Variants in ARHGEF10 observed in about 807,000 individuals in gnomAD.
ARHGEF10 encodes the protein Rho guanine nucleotide exchange factor (GEF) 10.
A neutral mutation model predicts 147.4 loss-of-function variants in ARHGEF10; 140 were observed. The observed-to-expected ratio is 0.95, with a 90% CI of 0.83 to 1.09. The LOEUF is 1.09. Among genes scored for constraint, ARHGEF10 ranks in the 50% least tolerant of loss-of-function variants. ARHGEF10 has a pLI of 0.00. For synonymous variants in ARHGEF10, 902 were observed against 695.8 expected, an observed-to-expected ratio of 1.30 and a Z score of -4.67; for missense variants, 2,222 against 1,752.7, an observed-to-expected ratio of 1.27 and a Z score of -4.78.
At position 1,923,044 on chromosome 8, in the gene ARHGEF10, A is replaced by C. The variant is rs1484480759; in HGVS notation, c.2224A>C (p.Thr742Pro). 4.3e-6 allele frequency: 7 copies of C among 1,613,322 alleles called. No homozygotes were observed. The East Asian group carries it at 1.6e-4, about 36-fold the overall frequency. The change falls in exon 19 of 29, where the codon ACT (threonine) becomes CCT (proline). Residue 742 changes from threonine to proline, a missense_variant. Thr to Pro is a conservative substitution (Grantham distance 38). Coordinates refer to ENST00000349830, the MANE Select transcript of ARHGEF10 (RefSeq NM_014629.4). The part of the protein sequence containing the change: ...LHDLNVIGQI[T>P]QLIGNLKGNY... ...TGACTTAAATGTAATTGGCCAAATC[A>C]CTCAGCTGATAGGAAACCTTAAAGG...
At chr8:1,916,265 A>C (rs1007139084) in intron 18 of ARHGEF10, among the ~76,000 whole-genome samples, 4 of 152,188 alleles carry the variant, frequency 2.6e-5, no homozygotes, top group African/African-American at 9.7e-5. Flanking sequence ...ACGGGGTCCT[A>C]TCTCTGTGGG....
At chr8:1,850,253 C>T (rs1254666920) in intron 2 of ARHGEF10, among the ~76,000 whole-genome samples, 1 of 119,012 alleles carries the variant, frequency 8.4e-6, no homozygotes, top group Non-Finnish European at 1.9e-5. Flanking sequence ...CGCGTGGACA[C>T]AGACGGCAAA....
rs1815659495 is a variant in ARHGEF10 at position 1,957,247 on chromosome 8, C to G, written c.4019C>G (p.Pro1340Arg). ...LAPTVMVWQI[P>R]LLNI ...CCGACCGTCATGGTCTGGCAGATCC[C>G]TCTGCTGAATATATAAGCAGGACGG... is the stretch of plus-strand genomic sequence containing the variant. Residue 1340 changes from proline to arginine, a missense_variant, in exon 29 of 29, where the codon CCT (proline) becomes CGT (arginine). Physicochemically the swap from Pro to Arg is moderately radical, Grantham distance 103. Transcript: ENST00000349830. 6.2e-7 allele frequency: 1 copy of G among 1,610,834 alleles called. No individual in the cohort carries two copies.
rs1216125206 is a variant in ARHGEF10, at chr8:1,859,896, G to A, written c.194-1G>A. 1.2e-6 allele frequency: 2 copies of A among 1,614,072 alleles called. No individual in the cohort carries two copies. Among genetic ancestry groups the A allele is most frequent in the East Asian group, 2.2e-5 (1 of 44,874 alleles). On this transcript the variant is annotated splice_acceptor_variant, in intron 3 of 28. Coordinates refer to ENST00000349830, the MANE Select transcript of ARHGEF10 (RefSeq NM_014629.4). LOFTEE classifies it high-confidence loss of function. ...CTGACAAGTCCTTTCTGCATCCCCA[G>A]GAGGTGAGGATGGAGCTGGAGCAGA...
intron 18 of ARHGEF10, among the ~76,000 whole-genome samples, chr8:1,920,869 C>T (rs1024961527): frequency 8.5e-5 from 9 of 106,478 alleles, no homozygotes; most frequent in Non-Finnish European, 1.5e-4. Context: ...ACCATGACCT[C>T]CTCCGCCTTC....
chr8:1,852,803 C>G (rs1805247199), intron 2 of ARHGEF10, among the ~76,000 whole-genome samples: 1 of 152,236 alleles, frequency 6.6e-6, no homozygotes, highest in Non-Finnish European at 1.5e-5. Context: ...GTCAGTGCCA[C>G]CAAGGCAGCC....
intron 26 of ARHGEF10, 28 bp downstream of exon 26, chr8:1,933,970 T>C: frequency 6.2e-7 from 1 of 1,614,062 alleles, no homozygotes; most frequent in Non-Finnish European, 8.5e-7. Context: ...CTACACGGTG[T>C]GGAAAAAATG....
At chr8:1,823,380 C>A (rs1194619685), upstream of ARHGEF10, among the ~76,000 whole-genome samples, 1 of 69,754 alleles carries the variant, frequency 1.4e-5, no homozygotes, top group Non-Finnish European at 2.9e-5. Context: ...AAGGGCGGGT[C>A]GGGTGGGGTC....
chr8:1,909,535 T>G (rs4876274), intron 18 of ARHGEF10, 65 bp downstream of exon 18: 2 of 1,598,106 alleles, frequency 1.3e-6, no homozygotes, highest in Non-Finnish European at 1.7e-6. Context: ...TCATGCTAGC[T>G]GTGGGGCCAG....
intron 15 of ARHGEF10, among the ~76,000 whole-genome samples, chr8:1,900,575 C>T (rs117117655): frequency 9.0e-4 from 137 of 152,278 alleles, no homozygotes; most frequent in Non-Finnish European, 1.4e-3. Context: ...CGTGCGCTGT[C>T]GGACGGGCAT....
intron 21 of ARHGEF10, among the ~76,000 whole-genome samples, chr8:1,924,692 A>C (rs1317446840): frequency 6.6e-6 from 1 of 152,102 alleles, no homozygotes; most frequent in Non-Finnish European, 1.5e-5. Flanking sequence ...TAATTTGGTC[A>C]TTTTTCAGGT....
chr8:1,851,909 G>T (rs540396074), intron 2 of ARHGEF10, among the ~76,000 whole-genome samples: 1 of 119,916 alleles, frequency 8.3e-6, no homozygotes, highest in Non-Finnish European at 2.0e-5. Flanking sequence ...GCATGACTCT[G>T]TCTCAAAAAA....
chr8:1,906,933 C>G (rs1344954225), intron 17 of ARHGEF10, among the ~76,000 whole-genome samples: 1 of 152,198 alleles, frequency 6.6e-6, no homozygotes, highest in Admixed American at 6.5e-5. Context: ...GACACTCCTT[C>G]TTGTAAGAGA....
intron 2 of ARHGEF10, among the ~76,000 whole-genome samples, chr8:1,854,299 C>T (rs965101304): frequency 1.3e-5 from 2 of 152,122 alleles, no homozygotes; most frequent in South Asian, 4.1e-4. Flanking sequence ...AGCAGCCCAG[C>T]TCCAGGCGGC....
chr8:1,894,412 C>A lies in ARHGEF10; in HGVS notation c.1280C>A (p.Ser427Tyr). 6.2e-7 allele frequency: 1 copy of A among 1,614,162 alleles called. No individual in the cohort carries two copies. The highest frequency in any genetic ancestry group is 8.5e-7 in the Non-Finnish European group (1 of 1,180,034). The change falls in exon 13 of 29, where the codon TCT (serine) becomes TAT (tyrosine). Residue 427 changes from serine (S) to tyrosine (Y), a missense_variant. Physicochemically the swap from Ser to Tyr is moderately radical, Grantham distance 144. Transcript: ENST00000349830. ...TCTTAGCAATATGAGAAGCCGCTGT[C>A]TGAGATGGAGCCAAAGGTTCTGAGT... is the stretch of plus-strand genomic sequence containing the variant. ...RILEQYEKPL[S>Y]EMEPKVLSER... is the part of the protein sequence containing the mutation.
chr8:1,948,924 C>T lies in ARHGEF10; in HGVS notation c.3397+3269C>T, dbSNP rs1303651511. ...TCCTCCTTATCGTCCAAGATGGTTC[C>T]TGGAGGCCCACACATGTCCTCTGTG... On this transcript the variant is annotated intron_variant, in intron 27 of 28. Transcript: ENST00000349830. This position sits in a 1 kb window ranked among gnomAD's most constrained non-coding sequence, Gnocchi z 4.9. Among the ~76,000 whole-genome samples the T allele has an allele frequency of 1.3e-5, 2 of 152,118 alleles. No individual in the cohort carries two copies.
intron 7 of ARHGEF10, chr8:1,869,607 C>A: frequency 5.3e-6 from 2 of 376,168 alleles, no homozygotes; most frequent in Non-Finnish European, 1.0e-5. Context: ...AGGTAATAGT[C>A]AAAGAAATAA....
At chr8:1,869,574 A>T (rs1806917203) in intron 7 of ARHGEF10, 5 of 459,134 alleles carry the variant, frequency 1.1e-5, no homozygotes, top group Non-Finnish European at 4.0e-6. Context: ...GACATCAGTG[A>T]GAAAGTAGAG....
chr8:1,908,993 A>G (rs959726442), intron 17 of ARHGEF10, among the ~76,000 whole-genome samples: 4 of 152,248 alleles, frequency 2.6e-5, no homozygotes, highest in African/African-American at 9.6e-5. Flanking sequence ...ACCTTTGCTC[A>G]GAGTCATCAG....
Sources: allele counts gnomAD v4.1 joint callset (sites outside exome capture counted in the v4.1 genomes callset), GRCh38; gene constraint gnomAD v4.1.1; non-coding constraint Gnocchi (gnomAD v3.1); transcripts MANE v1.5; gene names NCBI Gene and HGNC (gene_info 2026-07-23, HGNC 2026-07-21).